MGAT4C: variants seen among roughly 807,000 people sequenced by gnomAD.
MGAT4C encodes the protein MGAT4 family member C, also known as alpha-1,3-mannosyl-glycoprotein 4-beta-N-acetylglucosaminyltransferase C.
Under a neutral mutation model 40.1 loss-of-function variants are expected in MGAT4C, and 19 were observed. The observed-to-expected ratio is 0.47, with a 90% confidence interval of 0.33 to 0.70. The LOEUF (loss-of-function observed/expected upper bound fraction) is 0.70. Ranked by LOEUF, MGAT4C falls within the 30% of genes least tolerant of loss-of-function variation. MGAT4C has a pLI of 0.02. For missense variants in MGAT4C, 491 were observed against 563.2 expected, an observed-to-expected ratio of 0.87 and a Z score of 1.30; for synonymous variants, 181 against 187.1, an observed-to-expected ratio of 0.97 and a Z score of 0.27.
At chr12:86,834,550 G>A (rs1952998220) in intron 1 of MGAT4C, among the ~76,000 whole-genome samples, 1 of 151,298 alleles carries the variant, frequency 6.6e-6, no homozygotes, top group Non-Finnish European at 1.5e-5. Context: ...GTGACATTTT[G>A]TCATTTGATC....
intron 1 of MGAT4C, among the ~76,000 whole-genome samples, chr12:86,179,056 G>A (rs1384063563): frequency 6.6e-6 from 1 of 152,134 alleles, no homozygotes; most frequent in Admixed American, 6.5e-5. Context: ...AACTTGAATT[G>A]TATCTTCCAA....
intron 1 of MGAT4C, among the ~76,000 whole-genome samples, chr12:86,227,371 C>A (rs1010165329): frequency 6.6e-6 from 1 of 151,828 alleles, no homozygotes; most frequent in Non-Finnish European, 1.5e-5. Flanking sequence ...GTTAAGCCAC[C>A]ATCATCTCTC....
Position 86,629,810 on chromosome 12 carries a change from T to C in MGAT4C, c.-229+97399A>G, listed in dbSNP as rs376931124. On this transcript the variant is annotated intron_variant, in intron 2 of 7. Coordinates refer to the MGAT4C transcript ENST00000548651. ...CCCACAAGAGAAAGCAAGAAAGATCTAAAATCGACACCCTAACATCACAAT... is the reference window on the plus strand; with the variant it reads ...CCCACAAGAGAAAGCAAGAAAGATCCAAAATCGACACCCTAACATCACAAT... Among the ~76,000 whole-genome samples the C allele has an allele frequency of 3.2e-4, 49 of 152,156 alleles. No individual in the cohort carries two copies. The East Asian group carries it at 8.5e-3, about 27-fold the overall frequency.
chr12:86,076,996 T>G (rs1436596441), intron 1 of MGAT4C, among the ~76,000 whole-genome samples: 1 of 152,118 alleles, frequency 6.6e-6, no homozygotes, highest in Non-Finnish European at 1.5e-5. Context: ...CAGTCTCTCT[T>G]TTCACTTTTT....
intron 1 of MGAT4C, among the ~76,000 whole-genome samples, chr12:86,052,901 G>A (rs1363932410): frequency 6.6e-6 from 1 of 151,952 alleles, no homozygotes; most frequent in Non-Finnish European, 1.5e-5. Context: ...ATTTGTGCAA[G>A]CGGTGCCTGC....
intron 2 of MGAT4C, among the ~76,000 whole-genome samples, chr12:86,439,119 A>G (rs1182564299): frequency 1.6e-4 from 24 of 152,048 alleles, no homozygotes; most frequent in Admixed American, 1.6e-3. Flanking sequence ...ACTCTACAGC[A>G]AATGAACCTA....
At chr12:86,678,889 T>A (rs1949921840) in intron 2 of MGAT4C, among the ~76,000 whole-genome samples, 1 of 152,128 alleles carries the variant, frequency 6.6e-6, no homozygotes, top group African/African-American at 2.4e-5. Flanking sequence ...GCAGTAAACA[T>A]ACGTGTGCAT....
At chr12:86,338,282 G>T (rs1954832001) in intron 3 of MGAT4C, among the ~76,000 whole-genome samples, 1 of 152,242 alleles carries the variant, frequency 6.6e-6, no homozygotes, top group East Asian at 1.9e-4. Context: ...CAGTTCCTGA[G>T]TGGGGGCTAC....
At chr12:86,605,787 AT>A (rs1962021673) in intron 2 of MGAT4C, among the ~76,000 whole-genome samples, 2 of 152,104 alleles carry the variant, frequency 1.3e-5, no homozygotes, top group South Asian at 4.1e-4. Context: ...TCAAGCAGTT[AT>A]TTTTTTCACT....
At chr12:86,602,062 G>A (rs1247492218) in intron 2 of MGAT4C, among the ~76,000 whole-genome samples, 1 of 152,172 alleles carries the variant, frequency 6.6e-6, no homozygotes, top group Non-Finnish European at 1.5e-5. Context: ...CGGAGCCTGT[G>A]CTGGCACCTG....
intron 2 of MGAT4C, among the ~76,000 whole-genome samples, chr12:86,546,377 G>T (rs1269034637): frequency 1.3e-5 from 2 of 151,598 alleles, no homozygotes; most frequent in African/African-American, 4.8e-5. Context: ...GTCAACATAG[G>T]ATATGGAAGA....
chr12:86,663,222 C>G (rs908153322), intron 2 of MGAT4C, among the ~76,000 whole-genome samples: 1 of 151,306 alleles, frequency 6.6e-6, no homozygotes, highest in African/African-American at 2.4e-5. Context: ...TAGTTGGACA[C>G]AGTAGTGCAT....
At chr12:86,157,483 T>C (rs1885092870) in intron 1 of MGAT4C, among the ~76,000 whole-genome samples, 1 of 152,214 alleles carries the variant, frequency 6.6e-6, no homozygotes, top group African/African-American at 2.4e-5. Flanking sequence ...TTAATATGCA[T>C]GTTCTTGTTA....
chr12:86,446,698 T>TAC (rs1957346475), intron 2 of MGAT4C, among the ~76,000 whole-genome samples: 1 of 130,500 alleles, frequency 7.7e-6, no homozygotes, highest in Non-Finnish European at 1.6e-5. Flanking sequence ...TATATATATA[T>TAC]ATATATGGAT....
intron 3 of MGAT4C, among the ~76,000 whole-genome samples, chr12:86,357,395 T>C (rs915264083): frequency 6.6e-6 from 1 of 151,938 alleles, no homozygotes; most frequent in Non-Finnish European, 1.5e-5. Context: ...AAGTGGAAAA[T>C]TCTAAAAATC....
At chr12:86,584,855 G>A (rs1278189733) in intron 2 of MGAT4C, among the ~76,000 whole-genome samples, 1 of 151,118 alleles carries the variant, frequency 6.6e-6, no homozygotes, top group Non-Finnish European at 1.5e-5. Flanking sequence ...CTTGTGAAGT[G>A]GAGCTATTTT....
rs1280495975 is a variant in MGAT4C at position 85,965,876 on chromosome 12, C to T, written c.*13413G>A. 6.6e-6 allele frequency: 1 copy of T among 151,932 alleles called. No individual in the cohort carries two copies. The highest frequency in any genetic ancestry group is 2.4e-5 in the African/African-American group (1 of 41,366). 9.4% of individuals were successfully genotyped at this position (151,932 alleles called of 1,614,324 possible). A position where few individuals can be genotyped will look rare whatever the true frequency, so the allele number is the denominator to read the frequency against. On this transcript the variant is annotated 3_prime_UTR_variant, in exon 5 of 5. Transcript: ENST00000611864. ...TATTATTTCTCCATTTAAAAGTGGA[C>T]AAATTTTTATACTATATCCTAATAA...
Position 86,336,564 on chromosome 12 carries a change from A to G in MGAT4C, c.-119-2437T>C, listed in dbSNP as rs527365242. The stretch of plus-strand genomic sequence containing the variant: ...ATAATGCTGTGTCTGGGAAAACAGA[A>G]GGGAGGTGCCTGATAAAAGAGGAAC... On this transcript the variant is annotated intron_variant, in intron 3 of 7. Coordinates refer to the MGAT4C transcript ENST00000548651. Among the ~76,000 whole-genome samples the G allele has an allele frequency of 2.6e-4, 39 of 152,294 alleles. No homozygotes were observed. In the Middle Eastern group the frequency reaches 0.01, roughly 40 times the overall value.
intron 2 of MGAT4C, among the ~76,000 whole-genome samples, chr12:86,566,746 A>ATC (rs1555205377): frequency 2.4e-5 from 1 of 40,902 alleles, no homozygotes; most frequent in South Asian, 2.4e-3. Flanking sequence ...TATACAATGT[A>ATC]TCTGTGTGTG....
Sources: allele counts gnomAD v4.1 joint callset (sites outside exome capture counted in the v4.1 genomes callset), GRCh38; gene constraint gnomAD v4.1.1; transcripts MANE v1.5; gene names NCBI Gene and HGNC (gene_info 2026-07-23, HGNC 2026-07-21).